Variants in LTBP1 observed in about 807,000 individuals in gnomAD.
LTBP1 encodes latent transforming growth factor beta binding protein 1, also known as latent-transforming growth factor beta-binding protein 1.
In LTBP1, 129 loss-of-function variants were observed where a neutral mutation model predicts 207.6. That is an observed-to-expected ratio of 0.62 (90% CI 0.54 to 0.72). The LOEUF is 0.72. Among genes scored for constraint, LTBP1 ranks in the 30% least tolerant of loss-of-function variants. LTBP1 has a pLI of 0.00. For synonymous variants in LTBP1, 963 were observed against 833.7 expected (o/e 1.16, Z -2.67); for missense variants, 2,281 against 2,217.2 (o/e 1.03, Z -0.58).
intron 3 of LTBP1, among the ~76,000 whole-genome samples, chr2:33,105,645 C>T (rs2080025277): frequency 1.3e-5 from 2 of 152,114 alleles, no homozygotes; most frequent in African/African-American, 2.4e-5. Flanking sequence ...GTTGGCTAGG[C>T]TGGTCTTGAA....
intron 20 of LTBP1, among the ~76,000 whole-genome samples, 181 bp from the exon 21 acceptor site, chr2:33,300,270 A>G (rs1157430405): frequency 1.3e-5 from 2 of 152,220 alleles, no homozygotes; most frequent in African/African-American, 4.8e-5. Flanking sequence ...TCTATTCTAT[A>G]GATCAGTATA....
At chr2:33,056,088 G>C (rs987514978) in intron 3 of LTBP1, among the ~76,000 whole-genome samples, 2 of 152,154 alleles carry the variant, frequency 1.3e-5, no homozygotes, top group Non-Finnish European at 2.9e-5. Flanking sequence ...TACAGAAAAA[G>C]TCAAGCTGCA....
chr2:33,187,179 A>G, intron 6 of LTBP1, 99 bp downstream of exon 6: 1 of 969,976 alleles, frequency 1.0e-6, no homozygotes. Context: ...TGGTATTGAA[A>G]CAGAAAGGAG....
intron 5 of LTBP1, among the ~76,000 whole-genome samples, chr2:33,176,860 T>C (rs2086113997): frequency 6.6e-6 from 1 of 152,184 alleles, no homozygotes; most frequent in Non-Finnish European, 1.5e-5. Flanking sequence ...TTCCCTTTTA[T>C]ATGTTCTTCT....
intron 4 of LTBP1, among the ~76,000 whole-genome samples, chr2:33,132,891 G>A (rs759401092): frequency 2.6e-5 from 4 of 152,200 alleles, no homozygotes; most frequent in Non-Finnish European, 2.9e-5. Flanking sequence ...GGGCTGTCAT[G>A]TGGAAGAGGC....
At chr2:33,139,952 C>T (rs1259409570) in intron 5 of LTBP1, among the ~76,000 whole-genome samples, 1 of 152,182 alleles carries the variant, frequency 6.6e-6, no homozygotes, top group Non-Finnish European at 1.5e-5. Flanking sequence ...TGAGAATTTA[C>T]TAAAGTTCTC....
At chr2:33,030,163 A>G (rs538128605) in intron 3 of LTBP1, among the ~76,000 whole-genome samples, 1 of 152,266 alleles carries the variant, frequency 6.6e-6, no homozygotes, top group Non-Finnish European at 1.5e-5. Flanking sequence ...GTCTTCCTTA[A>G]TTTGTTCAAA....
At chr2:32,994,751 G>A (rs906805654) in intron 2 of LTBP1, among the ~76,000 whole-genome samples, 9 of 152,176 alleles carry the variant, frequency 5.9e-5, no homozygotes, top group Non-Finnish European at 1.2e-4. Flanking sequence ...ACAGGCGTGA[G>A]CCACCGCGCC....
chr2:33,155,360 G>A (rs965881034), intron 5 of LTBP1, among the ~76,000 whole-genome samples: 5 of 152,200 alleles, frequency 3.3e-5, no homozygotes, highest in South Asian at 2.1e-4. Context: ...GAGCCACCAC[G>A]CCCAGTCTCT....
At chr2:33,398,252 G>A (rs1458201609) in intron 33 of LTBP1, 112 bp from the exon 34 acceptor site, 24 of 912,550 alleles carry the variant, frequency 2.6e-5, no homozygotes, top group South Asian at 1.1e-4. Context: ...AAGCAATGAC[G>A]AGAAAGCTTC....
intron 7 of LTBP1, among the ~76,000 whole-genome samples, chr2:33,215,479 G>A (rs1391764573): frequency 6.6e-6 from 1 of 152,096 alleles, no homozygotes; most frequent in African/African-American, 2.4e-5. Context: ...ACTTAGCTGA[G>A]CCTTCTGTGG....
intron 32 of LTBP1, among the ~76,000 whole-genome samples, 197 bp from the exon 33 acceptor site, chr2:33,396,935 CA>C (rs1247499408): frequency 1.3e-5 from 2 of 152,172 alleles, no homozygotes; most frequent in African/African-American, 2.4e-5. Flanking sequence ...CTACTCTGCA[CA>C]AAATATACAA....
chr2:32,985,156 T>TC (rs1227580867), intron 2 of LTBP1, among the ~76,000 whole-genome samples: 1 of 152,094 alleles, frequency 6.6e-6, no homozygotes, highest in Non-Finnish European at 1.5e-5. Flanking sequence ...AAATCTGTTT[T>TC]CCCCCGGAAC....
At chr2:33,181,824 A>G (rs575992082) in intron 5 of LTBP1, among the ~76,000 whole-genome samples, 24 of 152,344 alleles carry the variant, frequency 1.6e-4, no homozygotes, top group African/African-American at 5.8e-4. Context: ...GTTTTATAGA[A>G]CTTGGGAAGC....
chr2:32,986,395 C>A (rs1469643842), intron 2 of LTBP1, among the ~76,000 whole-genome samples: 1 of 152,132 alleles, frequency 6.6e-6, no homozygotes, highest in Admixed American at 6.6e-5. Context: ...GTGGATGATA[C>A]ACAGACTGAC....
chr2:33,271,181 A>G (rs1340988167), intron 15 of LTBP1, among the ~76,000 whole-genome samples: 2 of 152,226 alleles, frequency 1.3e-5, no homozygotes, highest in African/African-American at 4.8e-5. Flanking sequence ...GTAATCACCA[A>G]ATTGGTATTG....
intron 19 of LTBP1, among the ~76,000 whole-genome samples, chr2:33,284,374 A>G (rs1057495906): frequency 3.3e-5 from 5 of 152,120 alleles, no homozygotes; most frequent in African/African-American, 4.8e-5. Flanking sequence ...CATCATCCCT[A>G]ATGCTTTTTG....
intron 3 of LTBP1, chr2:33,063,139 T>C (rs935351767): frequency 1.3e-5 from 2 of 152,224 alleles, no homozygotes; most frequent in African/African-American, 2.4e-5. Flanking sequence ...CTCAATTTTG[T>C]TCTGCATTTT....
rs987621343 is a variant in LTBP1 at position 33,111,947 on chromosome 2, C to T, written c.1033+1196C>T. On this transcript the variant is annotated intron_variant, in intron 4 of 33. Coordinates refer to ENST00000404816, the MANE Select transcript of LTBP1 (RefSeq NM_206943.4). Reference sequence around the variant, plus strand: ...TGATTCTTAAAAATCCTTTGATATTCGTACTTAAAGAGCCGTTTCTCTTAA... The same window carrying T: ...TGATTCTTAAAAATCCTTTGATATTTGTACTTAAAGAGCCGTTTCTCTTAA... Among the ~76,000 whole-genome samples, 15 of 152,242 alleles carry T rather than the reference C, an allele frequency of 9.9e-5. 1 individual carries two copies. The highest frequency in any genetic ancestry group is 2.6e-4 in the Admixed American group (4 of 15,292).
Sources: allele counts gnomAD v4.1 joint callset (sites outside exome capture counted in the v4.1 genomes callset), GRCh38; gene constraint gnomAD v4.1.1; transcripts MANE v1.5; gene names NCBI Gene and HGNC (gene_info 2026-07-23, HGNC 2026-07-21).